Variants in RAPGEF4 observed in about 807,000 individuals in gnomAD.
RAPGEF4 encodes Rap guanine nucleotide exchange factor 4.
RAPGEF4 carries 66 observed loss-of-function variants against 147.9 expected under a neutral mutation model. That is an observed-to-expected ratio of 0.45 (90% CI 0.37 to 0.55). The LOEUF is 0.55. Ranked by LOEUF, RAPGEF4 falls within the 20% of genes least tolerant of loss-of-function variation. The pLI is 0.00. For synonymous variants in RAPGEF4, 419 were observed against 442.7 expected, an observed-to-expected ratio of 0.95 and a Z score of 0.67; for missense variants, 1,071 against 1,257.3, an observed-to-expected ratio of 0.85 and a Z score of 2.24.
upstream of RAPGEF4, chr2:172,735,748 C>T (rs1693682491): frequency 5.7e-6 from 1 of 176,870 alleles, no homozygotes; most frequent in Non-Finnish European, 1.2e-5. Context: ...CAGCGGCGGG[C>T]GGGCGGGCGA....
intron 4 of RAPGEF4, among the ~76,000 whole-genome samples, chr2:172,856,033 G>A (rs540196114): frequency 1.9e-4 from 29 of 152,062 alleles, no homozygotes; most frequent in Admixed American, 1.6e-3. Flanking sequence ...GGAAATTTGA[G>A]GTATTATTTC....
At chr2:172,884,744 A>G (rs1696993122) in intron 4 of RAPGEF4, among the ~76,000 whole-genome samples, 1 of 152,184 alleles carries the variant, frequency 6.6e-6, no homozygotes, top group South Asian at 2.1e-4. Flanking sequence ...AGATATTTTG[A>G]ACATGGTCCC....
intron 1 of RAPGEF4, among the ~76,000 whole-genome samples, chr2:172,768,186 A>G (rs1697028476): frequency 6.6e-6 from 1 of 152,188 alleles, no homozygotes; most frequent in Admixed American, 6.5e-5. Context: ...ACAGTTCCCA[A>G]TCTCTACCAG....
intron 3 of RAPGEF4, among the ~76,000 whole-genome samples, chr2:172,798,737 T>C (rs1268189448): frequency 6.6e-6 from 1 of 152,138 alleles, no homozygotes; most frequent in Non-Finnish European, 1.5e-5. Flanking sequence ...TGTATTGAAG[T>C]TGTGGGCAGT....
At chr2:172,975,310 C>T (rs1690954597) in intron 10 of RAPGEF4, among the ~76,000 whole-genome samples, 1 of 152,186 alleles carries the variant, frequency 6.6e-6, no homozygotes. Context: ...AAAACTTAAT[C>T]ACTAATATTT....
intron 7 of RAPGEF4, 89 bp from the exon 8 acceptor site, chr2:172,961,033 T>C: frequency 4.7e-6 from 5 of 1,066,590 alleles, no homozygotes. Context: ...CAGAGTCAGA[T>C]TGGAAAGTGG....
intron 1 of RAPGEF4, among the ~76,000 whole-genome samples, chr2:172,746,386 C>CT (rs1441765465): frequency 2.6e-5 from 4 of 152,126 alleles, no homozygotes; most frequent in African/African-American, 9.7e-5. Flanking sequence ...TGGTGCCACT[C>CT]TAACAAATAG....
chr2:172,924,453 A>G (rs1355121601), intron 6 of RAPGEF4, among the ~76,000 whole-genome samples: 1 of 152,216 alleles, frequency 6.6e-6, no homozygotes, highest in Non-Finnish European at 1.5e-5. Context: ...CATCTCCCTA[A>G]TACTAGTAGT....
At chr2:172,837,735 A>C (rs1449554716) in intron 4 of RAPGEF4, among the ~76,000 whole-genome samples, 1 of 152,002 alleles carries the variant, frequency 6.6e-6, no homozygotes, top group African/African-American at 2.4e-5. Context: ...GCCTGGCTAA[A>C]TTTATTTTGG....
chr2:172,838,852 G>GA (rs11438066), intron 4 of RAPGEF4, among the ~76,000 whole-genome samples: 95,585 of 151,814 alleles, frequency 0.63, 30,580 homozygotes, highest in East Asian at 0.91. Context: ...ACGCGTTAGA[G>GA]AAAACCAAAA....
chr2:172,990,034 AG>A lies in RAPGEF4; in HGVS notation c.1375-775del, dbSNP rs1692670826. Among the ~76,000 whole-genome samples, 3 of 151,616 alleles carry A rather than the reference AG, an allele frequency of 2.0e-5. No homozygotes were observed. In the South Asian group the frequency reaches 6.2e-4, roughly 31 times the overall value. ...TCTTAATGCAAAAAAAAAAAAGAAA[AG>A]AAAAAAAAAGGCTAAAATGTATACC... On this transcript the variant is annotated intron_variant, in intron 14 of 30. Transcript: ENST00000397081.
chr2:172,869,686 CA>C (rs1401823888), intron 4 of RAPGEF4, among the ~76,000 whole-genome samples: 2 of 152,070 alleles, frequency 1.3e-5, no homozygotes, highest in Non-Finnish European at 2.9e-5. Flanking sequence ...TTTTGACCTA[CA>C]AAAATGGTGA....
intron 5 of RAPGEF4, among the ~76,000 whole-genome samples, chr2:172,919,713 C>T (rs913697326): frequency 3.3e-5 from 5 of 152,176 alleles, no homozygotes; most frequent in Non-Finnish European, 7.3e-5. Flanking sequence ...TCTTTTTCTA[C>T]CTGGTTGTCC....
chr2:173,031,703 C>A (rs1697210098), intron 26 of RAPGEF4, among the ~76,000 whole-genome samples: 1 of 152,152 alleles, frequency 6.6e-6, no homozygotes, highest in Non-Finnish European at 1.5e-5. Context: ...AAGGAGATAG[C>A]TAACTGGCCA....
intron 12 of RAPGEF4, among the ~76,000 whole-genome samples, chr2:172,986,152 T>G (rs1692225110): frequency 6.6e-6 from 1 of 152,244 alleles, no homozygotes; most frequent in African/African-American, 2.4e-5. Flanking sequence ...ACAGGGTTAG[T>G]GATCTACTAA....
chr2:172,870,604 T>A (rs2149808395), intron 4 of RAPGEF4, among the ~76,000 whole-genome samples: 1 of 152,250 alleles, frequency 6.6e-6, no homozygotes, highest in East Asian at 1.9e-4. Context: ...AACAAAGTTC[T>A]GGAACCCATG....
chr2:172,778,889 T>C (rs1221715425), intron 1 of RAPGEF4, among the ~76,000 whole-genome samples: 1 of 152,178 alleles, frequency 6.6e-6, no homozygotes, highest in African/African-American at 2.4e-5. Context: ...CCAATATTCA[T>C]TAAAAAATGA....
At chr2:172,745,378 C>T (rs539654205) in intron 1 of RAPGEF4, among the ~76,000 whole-genome samples, 2 of 151,738 alleles carry the variant, frequency 1.3e-5, no homozygotes, top group Non-Finnish European at 2.9e-5. Flanking sequence ...CATAGTATTC[C>T]TTATAATCCT....
In RAPGEF4 at chr2:173,026,591, A is replaced by AAG. The variant is rs1234652731; in HGVS notation, c.2274_2275dup (p.Gly759GlufsTer13). On this transcript the variant is annotated frameshift_variant, in exon 24 of 31. Transcript: ENST00000397081. LOFTEE classifies it high-confidence loss of function. ...TCATAGACTCCCTTACCAGAACAGG[A>AAG]AGGCCCAACTGTTGGAACAGTGGGA... 1.2e-6 allele frequency: 2 copies of AAG among 1,613,698 alleles called. No homozygotes were observed. Among genetic ancestry groups the AAG allele is most frequent in the African/African-American group, 2.7e-5 (2 of 74,926 alleles).
Sources: allele counts gnomAD v4.1 joint callset (sites outside exome capture counted in the v4.1 genomes callset), GRCh38; gene constraint gnomAD v4.1.1; transcripts MANE v1.5; gene names NCBI Gene and HGNC (gene_info 2026-07-23, HGNC 2026-07-21).